CHD1L: variants seen among roughly 807,000 people sequenced by gnomAD.
CHD1L encodes the protein ATP-dependent chromatin remodeler CHD1L.
CHD1L carries 118 observed loss-of-function variants against 115.9 expected under a neutral mutation model. The ratio of observed to expected loss-of-function variants is 1.02; its 90% CI spans 0.88 to 1.19. The LOEUF (loss-of-function observed/expected upper bound fraction) is 1.19. CHD1L is among the 50% of genes most tolerant of loss of function. The pLI is 0.00. For missense variants in CHD1L, 1,179 were observed against 1,065.3 expected (o/e 1.11, Z -1.49); for synonymous variants, 411 against 387.1 (o/e 1.06, Z -0.72).
At chr1:147,235,552 C>A in the CHD1L span, among the ~76,000 whole-genome samples, 1 of 151,988 alleles carries the variant, frequency 6.6e-6, no homozygotes, top group African/African-American at 2.4e-5. Flanking sequence ...GGTGGGGAAC[C>A]CCCTTGCATC....
chr1:147,178,318 G>A, the CHD1L span: 1 of 1,611,710 alleles, frequency 6.2e-7, no homozygotes, highest in Non-Finnish European at 8.5e-7. Flanking sequence ...TGAGTATGAA[G>A]CTGCAGCTAC....
At chr1:147,280,641 C>T (rs1680487080) in intron 15 of CHD1L, among the ~76,000 whole-genome samples, 1 of 152,150 alleles carries the variant, frequency 6.6e-6, no homozygotes, top group African/African-American at 2.4e-5. Context: ...TTGTCATGTG[C>T]TTTTTCCATT....
chr1:147,241,735 A>C (rs1184573126), upstream of CHD1L, among the ~76,000 whole-genome samples: 1 of 152,234 alleles, frequency 6.6e-6, no homozygotes, highest in Non-Finnish European at 1.5e-5. Context: ...TTTTAGAGGA[A>C]GATGAGAATG....
chr1:147,198,872 A>AAAAAAAAAAAAAAAAAG, the CHD1L span, among the ~76,000 whole-genome samples: 1 of 144,594 alleles, frequency 6.9e-6, no homozygotes. Context: ...AAAAAAAAAA[A>AAAAAAAAAAAAAAAAAG]AAAGAAAGAA....
At chr1:147,245,996 T>C (rs1209093145) in intron 1 of CHD1L, among the ~76,000 whole-genome samples, 2 of 152,200 alleles carry the variant, frequency 1.3e-5, no homozygotes, top group Non-Finnish European at 2.9e-5. Context: ...CCAGAACATT[T>C]TCCATCTCCA....
At chr1:147,266,836 T>G (rs1375860100) in intron 8 of CHD1L, among the ~76,000 whole-genome samples, 1 of 152,232 alleles carries the variant, frequency 6.6e-6, no homozygotes, top group Non-Finnish European at 1.5e-5. Context: ...ACATTGTGAA[T>G]AGAATATTGT....
chr1:147,197,832 A>C, the CHD1L span, among the ~76,000 whole-genome samples: 1 of 152,146 alleles, frequency 6.6e-6, no homozygotes, highest in African/African-American at 2.4e-5. Flanking sequence ...GATTTTCTGT[A>C]TGGTCATATT....
intron 15 of CHD1L, among the ~76,000 whole-genome samples, chr1:147,281,255 G>T (rs1037916223): frequency 2.0e-5 from 3 of 152,128 alleles, no homozygotes; most frequent in African/African-American, 7.2e-5. Context: ...TTCCCACTTG[G>T]AATGGGACTG....
At chr1:147,275,782 T>TAAAAAAAA (rs1344302937) in intron 13 of CHD1L, among the ~76,000 whole-genome samples, 1 of 139,390 alleles carries the variant, frequency 7.2e-6, no homozygotes. Context: ...GGAGCTAAGC[T>TAAAAAAAA]AAAAAAAAAA....
rs782111228 is a variant in CHD1L, at chr1:147,293,654, C to A, written c.2438C>A (p.Ser813Tyr). Reference protein sequence around the residue: ...AQHRDRSNVLSGIKMAALEEG... With the variant: ...AQHRDRSNVLYGIKMAALEEG... ...CATCGTGATCGTTCCAATGTCCTGT[C>A]TGGCATTAAGATGGCAGCCCTAGAA... The change falls in exon 21 of 23, where the codon TCT (serine) becomes TAT (tyrosine). Residue 813 changes from serine (S) to tyrosine (Y), a missense_variant. Ser to Tyr is a moderately radical substitution (Grantham distance 144). Coordinates refer to ENST00000369258, the MANE Select transcript of CHD1L (RefSeq NM_004284.6). 9.9e-6 allele frequency: 16 copies of A among 1,614,020 alleles called. No homozygotes were observed. Among genetic ancestry groups the A allele is most frequent in the African/African-American group, 2.7e-5 (2 of 74,918 alleles).
In CHD1L at chr1:147,295,604, G is replaced by T; in HGVS notation, c.*95G>T. On this transcript the variant is annotated 3_prime_UTR_variant, in exon 23 of 23. Transcript: ENST00000369258. ...TATTTCAAAATGGAATCAGGATCTG[G>T]TGGGCCTCAGAAATTGTCTCTTTTC... is the stretch of plus-strand genomic sequence containing the variant. 2 of 880,526 alleles carry T rather than the reference G, an allele frequency of 2.3e-6. No homozygotes were observed. The highest frequency in any genetic ancestry group is 3.4e-6 in the Non-Finnish European group (2 of 582,418). 54.5% of individuals were successfully genotyped at this position (880,526 alleles called of 1,614,324 possible). A position where few individuals can be genotyped will look rare whatever the true frequency, so the allele number is the denominator to read the frequency against.
At chr1:147,287,976 G>A (rs587694261) in intron 19 of CHD1L, among the ~76,000 whole-genome samples, 1 of 148,464 alleles carries the variant, frequency 6.7e-6, no homozygotes, top group East Asian at 1.9e-4. Context: ...TAGAACTGTA[G>A]TAAGCATAAT....
Position 147,267,518 on chromosome 1 carries a change from G to T in CHD1L, c.988G>T (p.Gly330Cys), listed in dbSNP as rs1553949419. 6.2e-7 allele frequency: 1 copy of T among 1,607,272 alleles called. No individual in the cohort carries two copies. Among genetic ancestry groups the T allele is most frequent in the Admixed American group, 1.7e-5 (1 of 59,420 alleles). The change falls in exon 9 of 23, where the codon GGT becomes TGT. Residue 330 changes from glycine (G) to cysteine (C), a missense_variant and splice_region_variant. By Grantham distance (159) the Gly-to-Cys change is radical. Coordinates refer to ENST00000369258, the MANE Select transcript of CHD1L (RefSeq NM_004284.6). Reference sequence around the variant, plus strand: ...TGTGGATCACCCATATTTGTTTGATGGTGAGACAGTGCCTTTTCCCCCCAC... The same window carrying T: ...TGTGGATCACCCATATTTGTTTGATTGTGAGACAGTGCCTTTTCCCCCCAC... ...KCVDHPYLFD[G>C]VEPEPFEVGD...
chr1:147,284,483 T>G lies in CHD1L; in HGVS notation c.1838T>G (p.Leu613Arg). The change falls in exon 16 of 23, where the codon CTC (leucine) becomes CGC (arginine). Residue 613 changes from leucine to arginine, a missense_variant. Transcript: ENST00000369258. The part of the protein sequence containing the change: ...LEKASQEGRS[L>R]RNKGSVLIPG... Reference sequence around the variant, plus strand: ...AAAGCTAGTCAAGAGGGCCGATCACTCCGAAATAAAGGCAGTGTAAGAACT... The same window carrying G: ...AAAGCTAGTCAAGAGGGCCGATCACGCCGAAATAAAGGCAGTGTAAGAACT... The G allele has an allele frequency of 3.1e-6, 5 of 1,598,432 alleles. No individual in the cohort carries two copies. The South Asian group carries it at 4.6e-5, about 15-fold the overall frequency.
At chr1:147,271,230 C>T (rs145968033) in intron 11 of CHD1L, 4,691 of 392,024 alleles carry the variant, frequency 0.012, 31 homozygotes, top group Non-Finnish European at 0.016. Context: ...ACGTTCCCAT[C>T]AGTTACATGA....
upstream of CHD1L, among the ~76,000 whole-genome samples, chr1:147,240,992 C>CTT (rs1664813365): frequency 0.012 from 2 of 164 alleles, no homozygotes; most frequent in South Asian, 0.17. Flanking sequence ...GTCTCTGTGT[C>CTT]TCTTTTTTTT....
At chr1:147,204,302 C>T in the CHD1L span, 1 of 965,144 alleles carries the variant, frequency 1.0e-6, no homozygotes, top group Non-Finnish European at 1.7e-6. Context: ...GAAGTGATAC[C>T]ACAGCCCAGA....
At chr1:147,186,509 G>A in the CHD1L span, 2 of 992,428 alleles carry the variant, frequency 2.0e-6, no homozygotes, top group Non-Finnish European at 2.4e-6. Flanking sequence ...AACCCTATCA[G>A]AAGAAGAGTT....
the CHD1L span, chr1:147,215,827 T>G: frequency 6.2e-7 from 1 of 1,614,010 alleles, no homozygotes; most frequent in Non-Finnish European, 8.5e-7. Flanking sequence ...CTGGGCATTA[T>G]GCATGAAGTT....
Sources: gnomAD v4.1 joint callset for allele counts (sites outside exome capture counted in the v4.1 genomes callset) on GRCh38, gnomAD v4.1.1 for gene constraint, MANE v1.5 for transcripts, NCBI Gene and HGNC (gene_info 2026-07-23, HGNC 2026-07-21) for gene names.